CARD8: variants seen among roughly 807,000 people sequenced by gnomAD.
The protein encoded by CARD8 is caspase recruitment domain-containing protein 8.
In CARD8, 38 loss-of-function variants were observed where a neutral mutation model predicts 53.2. The observed-to-expected ratio is 0.71, with a 90% confidence interval of 0.55 to 0.94. The LOEUF is 0.94. Among genes scored for constraint, CARD8 ranks in the 40% least tolerant of loss-of-function variants. The probability of loss-of-function intolerance (pLI) is 0.00; values close to 1 mark genes in which losing one functional copy is unlikely to be tolerated. For synonymous variants in CARD8, 245 were observed against 244.9 expected (o/e 1.00, Z 0.00); for missense variants, 561 against 655.5 (o/e 0.86, Z 1.57).
intron 8 of CARD8, 148 bp downstream of exon 8, chr19:48,231,512 C>T (rs940997259): frequency 2.6e-5 from 19 of 736,454 alleles, no homozygotes; most frequent in Admixed American, 2.4e-4. Context: ...GTCATGTTGG[C>T]CAGGCTGGTC....
chr19:48,215,075 C>A (rs1030475158), intron 13 of CARD8: 1 of 319,026 alleles, frequency 3.1e-6, no homozygotes. Flanking sequence ...CAGGCGTGAG[C>A]CACTGCGCCT....
chr19:48,241,498 G>T (rs1323986775), intron 3 of CARD8, among the ~76,000 whole-genome samples: 1 of 152,118 alleles, frequency 6.6e-6, no homozygotes, highest in Non-Finnish European at 1.5e-5. Context: ...TCAGGTGATC[G>T]GCCCGTCTCG....
At chr19:48,231,074 G>C (rs1471893727) in intron 8 of CARD8, 68 bp from the exon 9 acceptor site, 3 of 1,302,420 alleles carry the variant, frequency 2.3e-6, no homozygotes, top group Middle Eastern at 1.9e-4. Flanking sequence ...GCGATGTGCA[G>C]AGGGAGGTGG....
chr19:48,207,440 T>C (rs1327503580), downstream of CARD8, among the ~76,000 whole-genome samples: 1 of 152,150 alleles, frequency 6.6e-6, no homozygotes, highest in Non-Finnish European at 1.5e-5. Flanking sequence ...GTAGTAGGCA[T>C]TACTGACTTC....
At chr19:48,236,395 G>A (rs767842828) in intron 5 of CARD8, among the ~76,000 whole-genome samples, 7 of 151,966 alleles carry the variant, frequency 4.6e-5, no homozygotes, top group African/African-American at 1.5e-4. Context: ...TATATTTTTG[G>A]TAGAGACAGG....
intron 4 of CARD8, among the ~76,000 whole-genome samples, chr19:48,240,636 G>A (rs1048609142): frequency 6.6e-6 from 1 of 152,100 alleles, no homozygotes; most frequent in Non-Finnish European, 1.5e-5. Flanking sequence ...AGGCGTGGTG[G>A]TGCATGCCTG....
intron 11 of CARD8, among the ~76,000 whole-genome samples, chr19:48,219,612 G>A (rs1292454774): frequency 1.3e-5 from 2 of 152,274 alleles, no homozygotes; most frequent in African/African-American, 2.4e-5. Flanking sequence ...TACAAAGGGT[G>A]AGATTGTTGG....
chr19:48,220,455 AT>A (rs5828341), intron 11 of CARD8, among the ~76,000 whole-genome samples: 39,632 of 152,062 alleles, frequency 0.26, 5,345 homozygotes, highest in South Asian at 0.36. Flanking sequence ...AAACAATAAC[AT>A]TGGTCCGTCC....
chr19:48,218,857 G>T lies in CARD8; in HGVS notation c.1303+14C>A. 1 of 1,613,284 alleles carries T rather than the reference G, an allele frequency of 6.2e-7. No individual in the cohort carries two copies. The highest frequency in any genetic ancestry group is 8.5e-7 in the Non-Finnish European group (1 of 1,179,436). On this transcript the variant is annotated intron_variant, in intron 12 of 13. Transcript: ENST00000651546. ...ATCCCTGTCTAAAAATGCCAGCCTCGCCCACTCACCTACCTGGCTTCACCT... is the reference window on the plus strand; with the variant it reads ...ATCCCTGTCTAAAAATGCCAGCCTCTCCCACTCACCTACCTGGCTTCACCT...
intron 10 of CARD8, among the ~76,000 whole-genome samples, chr19:48,228,746 T>C (rs1326741147): frequency 6.6e-6 from 1 of 151,660 alleles, no homozygotes. Flanking sequence ...GTAGGAGAGA[T>C]TGACGGTGGA....
At chr19:48,221,440 C>T (rs1222112488) in intron 11 of CARD8, among the ~76,000 whole-genome samples, 1 of 152,158 alleles carries the variant, frequency 6.6e-6, no homozygotes, top group Non-Finnish European at 1.5e-5. Flanking sequence ...TTAGGCAAGA[C>T]ATCAGGACTG....
chr19:48,246,260 ACATGCCCCGTCCTTTTT>A (rs1238624822), intron 3 of CARD8, among the ~76,000 whole-genome samples: 3 of 152,110 alleles, frequency 2.0e-5, no homozygotes, highest in Non-Finnish European at 2.9e-5. Context: ...TGTTCAGTCA[ACATGCCCCGTCCTTTTT>A]GGAATATTTC....
intron 10 of CARD8, among the ~76,000 whole-genome samples, 157 bp from the exon 11 acceptor site, chr19:48,222,012 G>A (rs1004816247): frequency 2.6e-5 from 4 of 152,146 alleles, no homozygotes; most frequent in African/African-American, 9.7e-5. Context: ...ATTGTGATAG[G>A]TAGATACACA....
intron 1 of CARD8, among the ~76,000 whole-genome samples, chr19:48,252,810 C>T (rs10401861): frequency 0.19 from 11,670 of 60,138 alleles, 1,199 homozygotes; most frequent in African/African-American, 0.45. Flanking sequence ...TCAGTATATA[C>T]ACACACACAC....
rs2037977635 is a variant in CARD8 at position 48,211,606 on chromosome 19, G to A, written c.*104C>T. The A allele has an allele frequency of 1.7e-6, 2 of 1,145,640 alleles. No individual in the cohort carries two copies. The highest frequency in any genetic ancestry group is 2.1e-5 in the Admixed American group (1 of 47,498). The allele number at this position is 1,145,640 out of a possible 1,614,324, so 71.0% of individuals were successfully genotyped here. On this transcript the variant is annotated 3_prime_UTR_variant, in exon 14 of 14. Transcript: ENST00000651546. ...AAGCCTGTGTGATAGATGTTACCCA[G>A]TCTTCTTCTGTCTTGAACACTGAAA...
chr19:48,225,401 G>C (rs2041562311), intron 10 of CARD8, among the ~76,000 whole-genome samples: 1 of 152,266 alleles, frequency 6.6e-6, no homozygotes, highest in Admixed American at 6.5e-5. Context: ...TGAGGCAGGA[G>C]AATCGCTTGA....
chr19:48,229,994 T>G (rs549866924), intron 10 of CARD8, among the ~76,000 whole-genome samples: 1 of 152,102 alleles, frequency 6.6e-6, no homozygotes, highest in Non-Finnish European at 1.5e-5. Flanking sequence ...GCACCTGCAA[T>G]CCCAGCTACT....
intron 3 of CARD8, among the ~76,000 whole-genome samples, chr19:48,249,045 A>C (rs2046575568): frequency 6.6e-6 from 1 of 152,110 alleles, no homozygotes; most frequent in South Asian, 2.1e-4. Flanking sequence ...AAAAATACAA[A>C]AATTAGTCGT....
chr19:48,206,296 T>A (rs2037343362), downstream of CARD8: 1 of 358,852 alleles, frequency 2.8e-6, no homozygotes, highest in Admixed American at 3.5e-5. Context: ...TAGTTGCATT[T>A]CAATAGAACA....
Sources: allele counts gnomAD v4.1 joint callset (sites outside exome capture counted in the v4.1 genomes callset), GRCh38; gene constraint gnomAD v4.1.1; transcripts MANE v1.5; gene names NCBI Gene and HGNC (gene_info 2026-07-23, HGNC 2026-07-21).